DENND2C: variants seen among roughly 807,000 people sequenced by gnomAD.
DENND2C encodes DENN domain containing 2C.
A neutral mutation model predicts 112.4 loss-of-function variants in DENND2C; 72 were observed. The ratio of observed to expected loss-of-function variants is 0.64; its 90% CI spans 0.53 to 0.78. The LOEUF (loss-of-function observed/expected upper bound fraction) is 0.78. DENND2C is among the 30% of genes least tolerant of loss of function. DENND2C has a pLI of 0.00. For synonymous variants in DENND2C, 329 were observed against 381.6 expected (o/e 0.86, Z 1.61); for missense variants, 992 against 1,113.8 (o/e 0.89, Z 1.56).
chr1:114,615,313 TA>T (rs958574651), intron 8 of DENND2C, among the ~76,000 whole-genome samples: 1 of 152,130 alleles, frequency 6.6e-6, no homozygotes, highest in African/African-American at 2.4e-5. Context: ...TTGTTGAAGA[TA>T]AAAAATACAC....
rs141493549 is a variant in DENND2C at position 114,600,877 on chromosome 1, G to T, written c.1899C>A (p.Phe633Leu). 1 of 1,614,086 alleles carries T rather than the reference G, an allele frequency of 6.2e-7. No homozygotes were observed. The highest frequency in any genetic ancestry group is 1.1e-5 in the South Asian group (1 of 91,078). ...PFMRSVMEAPFPAPGRTITVK... is the reference protein window; with the variant it reads ...PFMRSVMEAPLPAPGRTITVK... ...CTGTGATGGTGCGTCCAGGAGCTGGGAAAGGAGCTTCCATGACACTTCGCA... is the reference window on the plus strand; with the variant it reads ...CTGTGATGGTGCGTCCAGGAGCTGGTAAAGGAGCTTCCATGACACTTCGCA... The change falls in exon 14 of 21, where the codon TTC becomes TTA. Residue 633 changes from phenylalanine (F) to leucine (L), a missense_variant. Phe to Leu is a conservative substitution (Grantham distance 22). Coordinates refer to ENST00000393274, the MANE Select transcript of DENND2C (RefSeq NM_001256404.2).
At chr1:114,588,314 C>G (rs1655098939) in intron 18 of DENND2C, among the ~76,000 whole-genome samples, 1 of 152,176 alleles carries the variant, frequency 6.6e-6, no homozygotes, top group Non-Finnish European at 1.5e-5. Flanking sequence ...CTAACTACCT[C>G]CTCATTTCTC....
At chr1:114,647,367 T>G (rs1471448942) in intron 2 of DENND2C, among the ~76,000 whole-genome samples, 7 of 152,116 alleles carry the variant, frequency 4.6e-5, no homozygotes. Context: ...TGATTTTTTT[T>G]TTTTTTAGAC....
chr1:114,644,977 G>A (rs559223431), intron 3 of DENND2C, among the ~76,000 whole-genome samples: 1 of 152,126 alleles, frequency 6.6e-6, no homozygotes, highest in South Asian at 2.1e-4. Context: ...AAAGGCATGA[G>A]ATTTAAAAAA....
intron 3 of DENND2C, among the ~76,000 whole-genome samples, chr1:114,641,152 C>T (rs1287026528): frequency 1.3e-5 from 2 of 150,630 alleles, no homozygotes; most frequent in East Asian, 2.0e-4. Flanking sequence ...TCACTTTGGC[C>T]GGGCATGGTA....
At chr1:114,649,265 A>C (rs768789328) in intron 2 of DENND2C, among the ~76,000 whole-genome samples, 6 of 152,048 alleles carry the variant, frequency 3.9e-5, no homozygotes, top group Non-Finnish European at 8.8e-5. Flanking sequence ...CTTTTCACTT[A>C]ATTATCCTTT....
At chr1:114,597,521 C>T (rs1015004331) in intron 16 of DENND2C, among the ~76,000 whole-genome samples, 13 of 151,844 alleles carry the variant, frequency 8.6e-5, no homozygotes, top group Non-Finnish European at 1.9e-4. Context: ...GTGGCTCACA[C>T]CTGTAATCCC....
intron 3 of DENND2C, among the ~76,000 whole-genome samples, chr1:114,628,142 CTAAA>C (rs577423809): frequency 2.0e-5 from 3 of 151,320 alleles, no homozygotes; most frequent in Non-Finnish European, 4.4e-5. Flanking sequence ...TTCATCTCTA[CTAAA>C]TAAATAAATA....
At chr1:114,618,336 T>C in intron 8 of DENND2C, 50 bp downstream of exon 8, 1 of 1,326,564 alleles carries the variant, frequency 7.5e-7, no homozygotes, top group South Asian at 1.4e-5. Flanking sequence ...GTGATTCTCC[T>C]CTCATATCCT....
At chr1:114,601,418 C>G in intron 13 of DENND2C, 90 bp downstream of exon 13, 1 of 1,325,914 alleles carries the variant, frequency 7.5e-7, no homozygotes, top group East Asian at 2.4e-5. Flanking sequence ...AATAGGGAAC[C>G]TTTCTGAAGT....
chr1:114,593,680 G>C (rs1655259432), intron 18 of DENND2C, among the ~76,000 whole-genome samples: 2 of 152,152 alleles, frequency 1.3e-5, no homozygotes, highest in South Asian at 4.1e-4. Flanking sequence ...AGTTGAGGCA[G>C]GAGGATTGCT....
intron 1 of DENND2C, among the ~76,000 whole-genome samples, chr1:114,662,771 C>T (rs1173176766): frequency 6.6e-6 from 1 of 151,982 alleles, no homozygotes; most frequent in Admixed American, 6.5e-5. Context: ...ACCTAGACAA[C>T]GTATTGAGAC....
At chr1:114,604,262 C>T (rs535575965) in intron 11 of DENND2C, among the ~76,000 whole-genome samples, 8 of 152,256 alleles carry the variant, frequency 5.3e-5, no homozygotes, top group East Asian at 3.9e-4. Context: ...CCATGTGATA[C>T]GGTTCAATGA....
intron 8 of DENND2C, among the ~76,000 whole-genome samples, chr1:114,616,835 A>G (rs774874431): frequency 6.6e-6 from 1 of 152,180 alleles, no homozygotes; most frequent in Non-Finnish European, 1.5e-5. Flanking sequence ...AGCCTTGGCA[A>G]CAAGAGCAAA....
chr1:114,648,399 T>C (rs772881557), intron 2 of DENND2C, among the ~76,000 whole-genome samples: 5 of 152,144 alleles, frequency 3.3e-5, no homozygotes, highest in Non-Finnish European at 5.9e-5. Context: ...ACCAAAACAA[T>C]AGGAGTCGAA....
intron 11 of DENND2C, 110 bp from the exon 12 acceptor site, chr1:114,602,304 G>T (rs1655534723): frequency 1.8e-6 from 2 of 1,088,426 alleles, no homozygotes; most frequent in Admixed American, 2.5e-5. Context: ...TTGTGATCTA[G>T]TTAGGATCCA....
At chr1:114,622,182 T>G in intron 6 of DENND2C, 117 bp from the exon 7 acceptor site, 1 of 1,058,106 alleles carries the variant, frequency 9.5e-7, no homozygotes, top group Non-Finnish European at 1.3e-6. Flanking sequence ...GGCACGATCA[T>G]GGCTCATTGC....
chr1:114,612,844 A>G (rs1655861223), intron 8 of DENND2C, among the ~76,000 whole-genome samples: 1 of 151,852 alleles, frequency 6.6e-6, no homozygotes, highest in Admixed American at 6.6e-5. Flanking sequence ...TATTTTTTGT[A>G]GAGACGGGGT....
chr1:114,638,608 A>C (rs927671475), intron 3 of DENND2C, among the ~76,000 whole-genome samples: 1 of 151,808 alleles, frequency 6.6e-6, no homozygotes, highest in African/African-American at 2.4e-5. Context: ...AAAATTTTTT[A>C]AAAAATTAGG....
Sources: allele counts gnomAD v4.1 joint callset (sites outside exome capture counted in the v4.1 genomes callset), GRCh38; gene constraint gnomAD v4.1.1; transcripts MANE v1.5; gene names NCBI Gene and HGNC (gene_info 2026-07-23, HGNC 2026-07-21).